Variants in MPPED1 observed in about 807,000 individuals in gnomAD.
MPPED1 encodes the protein metallophosphoesterase domain containing 1.
MPPED1 carries 16 observed loss-of-function variants against 36.2 expected under a neutral mutation model. The ratio of observed to expected loss-of-function variants is 0.44; its 90% CI spans 0.30 to 0.67. The LOEUF (loss-of-function observed/expected upper bound fraction) is 0.67, where lower values mean the gene tolerates loss of function less well. Among genes scored for constraint, MPPED1 ranks in the 30% least tolerant of loss-of-function variants. The pLI, the probability that MPPED1 is intolerant of heterozygous loss-of-function variation, is 0.10. For missense variants in MPPED1, 307 were observed against 453.4 expected (o/e 0.68, Z 2.93); for synonymous variants, 199 against 191.3 (o/e 1.04, Z -0.33).
intron 5 of MPPED1, among the ~76,000 whole-genome samples, chr22:43,499,977 G>A (rs1159858340): frequency 9.0e-6 from 1 of 110,722 alleles, no homozygotes; most frequent in Non-Finnish European, 1.8e-5. Flanking sequence ...GATGGGGGTG[G>A]TGGTGGTGAT....
chr22:43,424,122 T>C (rs565478108), intron 1 of MPPED1, among the ~76,000 whole-genome samples: 1 of 152,134 alleles, frequency 6.6e-6, no homozygotes, highest in South Asian at 2.1e-4. Context: ...GAAAAAGATT[T>C]GAAAAATATT....
chr22:43,502,063 G>T lies in MPPED1; in HGVS notation c.749-581G>T, dbSNP rs1289244266. The stretch of plus-strand genomic sequence containing the variant: ...TGAGGATAATAAGCAGCCACCATCT[G>T]GGCGGCTCCAGGAGGCTGGCAGCGG... On this transcript the variant is annotated intron_variant, in intron 5 of 6. Coordinates refer to ENST00000443721, the MANE Select transcript of MPPED1 (RefSeq NM_001044370.2). The surrounding 1 kb of genome is among the most constrained non-coding windows in gnomAD (Gnocchi z 5.5). Among the ~76,000 whole-genome samples the T allele has an allele frequency of 6.6e-6, 1 of 152,170 alleles. No homozygotes were observed. Among genetic ancestry groups the T allele is most frequent in the African/African-American group, 2.4e-5 (1 of 41,442 alleles).
intron 1 of MPPED1, among the ~76,000 whole-genome samples, chr22:43,422,638 C>G (rs900577535): frequency 3.3e-5 from 5 of 152,150 alleles, no homozygotes; most frequent in Admixed American, 6.5e-5. Flanking sequence ...ACTTGACACC[C>G]TCGTACCAAG....
intron 4 of MPPED1, among the ~76,000 whole-genome samples, chr22:43,489,739 G>C (rs934364343): frequency 6.6e-6 from 1 of 152,026 alleles, no homozygotes; most frequent in Non-Finnish European, 1.5e-5. Flanking sequence ...GGCTGGTGTC[G>C]AACTCCTGAC....
At chr22:43,412,655 T>G (rs562749864) in intron 1 of MPPED1, among the ~76,000 whole-genome samples, 1 of 134,128 alleles carries the variant, frequency 7.5e-6, no homozygotes, top group African/African-American at 2.8e-5. Flanking sequence ...CTTCCATCCA[T>G]TCATCCCTCC....
chr22:43,449,912 C>T (rs982237542), intron 3 of MPPED1, among the ~76,000 whole-genome samples: 9 of 152,224 alleles, frequency 5.9e-5, no homozygotes, highest in Non-Finnish European at 1.2e-4. Flanking sequence ...TCCATCCCTC[C>T]TGAGCGAGGT....
At chr22:43,421,974 C>T (rs984904080) in intron 1 of MPPED1, among the ~76,000 whole-genome samples, 2 of 152,340 alleles carry the variant, frequency 1.3e-5, no homozygotes, top group East Asian at 1.9e-4. Context: ...GGAGGTTCAG[C>T]CGCTTGCTCA....
intron 3 of MPPED1, among the ~76,000 whole-genome samples, chr22:43,458,497 T>C (rs927195296): frequency 2.6e-5 from 4 of 151,992 alleles, no homozygotes; most frequent in African/African-American, 9.7e-5. Context: ...TGTTGGCCAG[T>C]CTGGTCTCTA....
At chr22:43,427,199 C>T (rs1366395917) in intron 2 of MPPED1, among the ~76,000 whole-genome samples, 1 of 152,170 alleles carries the variant, frequency 6.6e-6, no homozygotes, top group Non-Finnish European at 1.5e-5. Context: ...CTGGGCCAGG[C>T]ACACACTTAG....
At chr22:43,428,349 G>A (rs1929556080) in intron 2 of MPPED1, among the ~76,000 whole-genome samples, 1 of 152,196 alleles carries the variant, frequency 6.6e-6, no homozygotes, top group Non-Finnish European at 1.5e-5. Flanking sequence ...AGCATGCTCC[G>A]AGCTCCAGCT....
At chr22:43,452,428 C>T (rs954857315) in intron 3 of MPPED1, among the ~76,000 whole-genome samples, 1 of 152,194 alleles carries the variant, frequency 6.6e-6, no homozygotes, top group African/African-American at 2.4e-5. Context: ...TGCTGCTCCT[C>T]AGCTGCCTGT....
intron 1 of MPPED1, among the ~76,000 whole-genome samples, chr22:43,415,141 A>G (rs1348768991): frequency 1.4e-5 from 2 of 147,982 alleles, no homozygotes; most frequent in Non-Finnish European, 3.0e-5. Context: ...TCCCCATGTA[A>G]TGAGACCATC....
At chr22:43,490,593 G>A (rs1932051672) in intron 4 of MPPED1, among the ~76,000 whole-genome samples, 1 of 152,246 alleles carries the variant, frequency 6.6e-6, no homozygotes, top group East Asian at 1.9e-4. Flanking sequence ...TCAAATAACT[G>A]CCCCCTGCCG....
At chr22:43,468,419 C>A (rs1931248286) in intron 3 of MPPED1, among the ~76,000 whole-genome samples, 1 of 152,198 alleles carries the variant, frequency 6.6e-6, no homozygotes, top group Non-Finnish European at 1.5e-5. Flanking sequence ...ACCGGTGCCA[C>A]AAGTCCCTGC....
intron 3 of MPPED1, among the ~76,000 whole-genome samples, chr22:43,462,162 T>A (rs1437863429): frequency 6.6e-6 from 1 of 152,224 alleles, no homozygotes; most frequent in Non-Finnish European, 1.5e-5. Context: ...GTTGTAGGTT[T>A]TGAGCAACAG....
chr22:43,466,617 A>G (rs1217095922), intron 3 of MPPED1, among the ~76,000 whole-genome samples: 5 of 152,094 alleles, frequency 3.3e-5, no homozygotes, highest in Non-Finnish European at 1.5e-5. Flanking sequence ...TGGGTTAACC[A>G]GTTCCTAGAT....
In MPPED1 at chr22:43,505,759, A is replaced by G. The variant is rs1602034116; in HGVS notation, c.*143A>G. On this transcript the variant is annotated 3_prime_UTR_variant, in exon 7 of 7. Coordinates refer to ENST00000443721, the MANE Select transcript of MPPED1 (RefSeq NM_001044370.2). The stretch of plus-strand genomic sequence containing the variant: ...GCAGGCAGGTCAGGGCCTTGGAACG[A>G]CTCTTTAGCCTTCTGTCACCTGGAG... 1.5e-6 allele frequency: 1 copy of G among 646,732 alleles called. No individual in the cohort carries two copies. The highest frequency in any genetic ancestry group is 2.7e-6 in the Non-Finnish European group (1 of 370,792). The allele number at this position is 646,732 out of a possible 1,614,324, so 40.1% of individuals were successfully genotyped here. A position where few individuals can be genotyped will look rare whatever the true frequency, so the allele number is the denominator to read the frequency against.
intron 1 of MPPED1, among the ~76,000 whole-genome samples, chr22:43,419,748 T>G (rs562324793): frequency 2.0e-5 from 3 of 147,846 alleles, no homozygotes; most frequent in South Asian, 2.2e-4. Context: ...GGGTGGGGGG[T>G]GGTCAGAGAG....
intron 4 of MPPED1, among the ~76,000 whole-genome samples, chr22:43,481,100 G>A (rs530321065): frequency 6.6e-6 from 1 of 152,286 alleles, no homozygotes; most frequent in Admixed American, 6.5e-5. Flanking sequence ...TGGGATTATA[G>A]GCATGAGCCA....
Sources: gnomAD v4.1 joint callset for allele counts (sites outside exome capture counted in the v4.1 genomes callset) on GRCh38, gnomAD v4.1.1 for gene constraint, Gnocchi (gnomAD v3.1) non-coding constraint, MANE v1.5 for transcripts, NCBI Gene and HGNC (gene_info 2026-07-23, HGNC 2026-07-21) for gene names.